Variants in PPARGC1A observed in about 807,000 individuals in gnomAD.
The protein encoded by PPARGC1A is peroxisome proliferator-activated receptor gamma coactivator 1-alpha.
PPARGC1A carries 25 observed loss-of-function variants against 88.7 expected under a neutral mutation model. That is an observed-to-expected ratio of 0.28 (90% confidence interval 0.21 to 0.39). PPARGC1A has a LOEUF of 0.39. Among genes scored for constraint, PPARGC1A ranks in the 10% least tolerant of loss-of-function variants. PPARGC1A has a pLI of 1.00. For synonymous variants in PPARGC1A, 363 were observed against 355.6 expected (o/e 1.02, Z -0.24); for missense variants, 880 against 968.7 (o/e 0.91, Z 1.22).
intron 2 of PPARGC1A, among the ~76,000 whole-genome samples, chr4:23,845,750 A>C (rs1056805817): frequency 6.6e-6 from 1 of 152,210 alleles, no homozygotes; most frequent in Non-Finnish European, 1.5e-5. Context: ...TGCTTGCCGA[A>C]CAAATACAAT....
chr4:24,352,555 A>G, the PPARGC1A span, among the ~76,000 whole-genome samples: 3 of 152,274 alleles, frequency 2.0e-5, no homozygotes, highest in East Asian at 5.8e-4. Context: ...GACTTTAACA[A>G]TGAGGCCCAG....
the PPARGC1A span, among the ~76,000 whole-genome samples, chr4:24,228,388 AG>A: frequency 1.3e-5 from 2 of 152,234 alleles, no homozygotes; most frequent in Non-Finnish European, 2.9e-5. Context: ...AAATTAACAC[AG>A]GAACAGAAAC....
intron 10 of PPARGC1A, among the ~76,000 whole-genome samples, chr4:23,804,359 C>G (rs1719358224): frequency 6.6e-6 from 1 of 152,200 alleles, no homozygotes; most frequent in African/African-American, 2.4e-5. Context: ...TAATTTTTAT[C>G]CCCTAAATCT....
chr4:24,286,924 G>A, the PPARGC1A span, among the ~76,000 whole-genome samples: 37 of 152,072 alleles, frequency 2.4e-4, no homozygotes, highest in Non-Finnish European at 3.1e-4. Flanking sequence ...CCACTCTACA[G>A]CATGGCAACT....
At chr4:24,233,643 T>C in the PPARGC1A span, among the ~76,000 whole-genome samples, 144,598 of 151,936 alleles carry the variant, frequency 0.95, 68,892 homozygotes, top group East Asian at 1. Flanking sequence ...CAAGGTTTAG[T>C]AAATACTCCC....
At chr4:24,350,822 A>G in the PPARGC1A span, among the ~76,000 whole-genome samples, 2 of 152,146 alleles carry the variant, frequency 1.3e-5, no homozygotes, top group Non-Finnish European at 1.5e-5. Context: ...GTTGAGTGCA[A>G]GAAGACCTAG....
chr4:24,066,471 T>A, the PPARGC1A span, among the ~76,000 whole-genome samples: 1 of 152,272 alleles, frequency 6.6e-6, no homozygotes, highest in East Asian at 1.9e-4. Context: ...CATAACACTA[T>A]CCAAAGCCTG....
At chr4:24,003,064 T>C in the PPARGC1A span, among the ~76,000 whole-genome samples, 3 of 152,264 alleles carry the variant, frequency 2.0e-5, no homozygotes, top group Non-Finnish European at 2.9e-5. Context: ...GGAATCATAG[T>C]CTTGTTTGAA....
the PPARGC1A span, among the ~76,000 whole-genome samples, chr4:24,444,370 A>C: frequency 6.6e-6 from 1 of 152,174 alleles, no homozygotes; most frequent in Non-Finnish European, 1.5e-5. Flanking sequence ...TGCCACAGTC[A>C]GACCTGTGTT....
At chr4:24,437,450 A>G in the PPARGC1A span, among the ~76,000 whole-genome samples, 1 of 152,150 alleles carries the variant, frequency 6.6e-6, no homozygotes, top group East Asian at 1.9e-4. Flanking sequence ...TTGGTATCCA[A>G]GATTTAGAAG....
the PPARGC1A span, among the ~76,000 whole-genome samples, chr4:24,271,532 C>G: frequency 6.6e-6 from 1 of 152,148 alleles, no homozygotes; most frequent in African/African-American, 2.4e-5. Flanking sequence ...CGCCGGCCAC[C>G]ACCCCAGCTA....
At chr4:24,160,039 G>A in the PPARGC1A span, among the ~76,000 whole-genome samples, 55 of 152,302 alleles carry the variant, frequency 3.6e-4, no homozygotes, top group East Asian at 0.01. Flanking sequence ...TATACCAAGT[G>A]AGGTAGAGCA....
the PPARGC1A span, among the ~76,000 whole-genome samples, chr4:24,278,568 T>C: frequency 3.9e-5 from 6 of 152,302 alleles, no homozygotes; most frequent in Admixed American, 3.3e-4. Flanking sequence ...CAAAAAGTTA[T>C]ATACTGCACA....
chr4:24,208,048 G>A, the PPARGC1A span, among the ~76,000 whole-genome samples: 3 of 152,274 alleles, frequency 2.0e-5, no homozygotes, highest in South Asian at 4.1e-4. Flanking sequence ...AGAAGCTAAG[G>A]TGGGAGGGTC....
At chr4:24,465,490 C>T in the PPARGC1A span, among the ~76,000 whole-genome samples, 8 of 152,310 alleles carry the variant, frequency 5.3e-5, 1 homozygote, top group South Asian at 1.7e-3. Flanking sequence ...TTTACCTCTT[C>T]GCTGGCAAAG....
the PPARGC1A span, among the ~76,000 whole-genome samples, chr4:24,214,759 G>A: frequency 1.3e-5 from 2 of 152,136 alleles, no homozygotes; most frequent in Non-Finnish European, 2.9e-5. Context: ...GCACTGGAAC[G>A]CTAATCCTTA....
the PPARGC1A span, among the ~76,000 whole-genome samples, chr4:23,970,553 G>A: frequency 2.0e-5 from 3 of 152,280 alleles, no homozygotes; most frequent in South Asian, 2.1e-4. Flanking sequence ...GGTAGGTAAC[G>A]GGGTTGGGAA....
the PPARGC1A span, among the ~76,000 whole-genome samples, chr4:23,911,099 A>T: frequency 6.6e-6 from 1 of 152,208 alleles, no homozygotes; most frequent in Non-Finnish European, 1.5e-5. Context: ...AATGGAATCA[A>T]TGAGTCTGGA....
chr4:24,324,114 G>A, the PPARGC1A span, among the ~76,000 whole-genome samples: 5 of 152,160 alleles, frequency 3.3e-5, no homozygotes, highest in African/African-American at 9.7e-5. Flanking sequence ...ATACACCCAC[G>A]TTTCAAGGGT....
Sources: gnomAD v4.1 joint callset for allele counts (sites outside exome capture counted in the v4.1 genomes callset) on GRCh38, gnomAD v4.1.1 for gene constraint, MANE v1.5 for transcripts, NCBI Gene and HGNC (gene_info 2026-07-23, HGNC 2026-07-21) for gene names.